MAP7: variants seen among roughly 807,000 people sequenced by gnomAD.
MAP7 encodes ensconsin.
A neutral mutation model predicts 94.8 loss-of-function variants in MAP7; 52 were observed. The observed-to-expected ratio is 0.55, with a 90% CI of 0.44 to 0.69. The LOEUF (loss-of-function observed/expected upper bound fraction) is 0.69. Ranked by LOEUF, MAP7 falls within the 30% of genes least tolerant of loss-of-function variation. MAP7 has a pLI of 0.00. For synonymous variants in MAP7, 350 were observed against 357.0 expected (o/e 0.98, Z 0.22); for missense variants, 940 against 964.6 (o/e 0.97, Z 0.34).
chr6:136,419,578 G>A (rs965197920), intron 2 of MAP7, among the ~76,000 whole-genome samples: 6 of 152,224 alleles, frequency 3.9e-5, no homozygotes, highest in African/African-American at 1.2e-4. Context: ...AGGCCCCCAT[G>A]TGTACCTTAA....
chr6:136,467,194 T>G (rs1360724665), intron 1 of MAP7, among the ~76,000 whole-genome samples: 1 of 152,204 alleles, frequency 6.6e-6, no homozygotes, highest in South Asian at 2.1e-4. Flanking sequence ...ACTTAGCTGT[T>G]TACCAAAATC....
At position 136,367,391 on chromosome 6, in the gene MAP7, A is replaced by G. The variant is rs138017191; in HGVS notation, c.877-952T>C. ...AAGCGTACATGGGAAGGGGCAGAGT[A>G]TTATCTAGCCCCAGGTCACATGAAC... On this transcript the variant is annotated intron_variant, in intron 8 of 17. Transcript: ENST00000354570. Among the ~76,000 whole-genome samples, 329 of 152,316 alleles carry G rather than the reference A, an allele frequency of 2.2e-3. 2 individuals are homozygous for G. The highest frequency in any genetic ancestry group is 6.8e-3 in the Middle Eastern group (2 of 294).
intron 1 of MAP7, among the ~76,000 whole-genome samples, chr6:136,497,363 TA>T (rs1042437121): frequency 8.6e-5 from 13 of 151,934 alleles, no homozygotes; most frequent in African/African-American, 2.7e-4. Flanking sequence ...CACCGCAGTG[TA>T]AATTGGTAGT....
intron 3 of MAP7, among the ~76,000 whole-genome samples, chr6:136,390,092 C>G (rs1393015967): frequency 1.3e-5 from 2 of 152,154 alleles, no homozygotes; most frequent in African/African-American, 4.8e-5. Flanking sequence ...TTAACCATAT[C>G]AAAAGCTGGA....
intron 1 of MAP7, among the ~76,000 whole-genome samples, chr6:136,489,495 C>A (rs915545227): frequency 6.6e-6 from 1 of 150,716 alleles, no homozygotes; most frequent in African/African-American, 2.4e-5. Flanking sequence ...GAAATTCTTA[C>A]CTCATTACAA....
chr6:136,487,566 A>G (rs1254924327), intron 1 of MAP7, among the ~76,000 whole-genome samples: 1 of 152,020 alleles, frequency 6.6e-6, no homozygotes, highest in East Asian at 1.9e-4. Flanking sequence ...AAAATTAGCC[A>G]GGCATGGTGG....
At position 136,500,294 on chromosome 6, in the gene MAP7, C is replaced by T. The variant is rs549153176; in HGVS notation, c.67+50048G>A. Among the ~76,000 whole-genome samples, 8 of 152,324 alleles carry T rather than the reference C, an allele frequency of 5.3e-5. No individual in the cohort carries two copies. The South Asian group carries it at 1.0e-3, about 20-fold the overall frequency. ...TAAAAATTTCAAATTCTACAGTTTT[C>T]GTTGGCATCCCAGGCCAGGAAAACT... On this transcript the variant is annotated intron_variant, in intron 1 of 17. Transcript: ENST00000354570.
intron 3 of MAP7, among the ~76,000 whole-genome samples, chr6:136,408,490 CCT>C (rs1786319758): frequency 6.6e-6 from 1 of 151,962 alleles, no homozygotes; most frequent in African/African-American, 2.4e-5. Flanking sequence ...CTTTATTCTC[CCT>C]CTCTCTACCT....
At chr6:136,466,669 G>C (rs1372758976) in intron 1 of MAP7, 3 of 1,251,854 alleles carry the variant, frequency 2.4e-6, no homozygotes, top group Non-Finnish European at 3.3e-6. Flanking sequence ...CTTGTTATAA[G>C]TATTAATTTG....
At chr6:136,388,601 T>C (rs1779819494) in intron 4 of MAP7, 91 bp from the exon 5 acceptor site, 2 of 932,974 alleles carry the variant, frequency 2.1e-6, no homozygotes, top group African/African-American at 1.6e-5. Context: ...GGAGTACTAC[T>C]TCAATTCCCA....
chr6:136,505,891 A>G (rs1821362139), intron 1 of MAP7, among the ~76,000 whole-genome samples: 1 of 152,210 alleles, frequency 6.6e-6, no homozygotes, highest in South Asian at 2.1e-4. Flanking sequence ...ACTGTGGGAA[A>G]AACAACCATT....
intron 1 of MAP7, among the ~76,000 whole-genome samples, chr6:136,543,715 A>G (rs1829506298): frequency 6.6e-6 from 1 of 152,196 alleles, no homozygotes; most frequent in African/African-American, 2.4e-5. Flanking sequence ...ATTCTGGAAA[A>G]GGCAAAACTA....
chr6:136,411,680 G>T lies in MAP7; in HGVS notation c.184C>A (p.Arg62Ser), dbSNP rs202185529. 1.9e-6 allele frequency: 3 copies of T among 1,566,310 alleles called. No homozygotes were observed. The South Asian group carries it at 3.5e-5, about 18-fold the overall frequency. The part of the protein sequence containing the change: ...GNKPDPPPVL[R>S]VDDRQRLARE... The stretch of plus-strand genomic sequence containing the variant: ...GCCAGCCGCTGCCGGTCATCAACAC[G>T]TAACACAGGCGGAGGGTCTGAAAGC... Residue 62 changes from arginine to serine, a missense_variant, in exon 3 of 18, where the codon CGT (arginine) becomes AGT (serine). Physicochemically the swap from Arg to Ser is moderately radical, Grantham distance 110. Coordinates refer to ENST00000354570, the MANE Select transcript of MAP7 (RefSeq NM_003980.6).
chr6:136,474,764 G>A (rs1340141554), intron 1 of MAP7, among the ~76,000 whole-genome samples: 1 of 151,246 alleles, frequency 6.6e-6, no homozygotes, highest in Non-Finnish European at 1.5e-5. Flanking sequence ...TTTCATCCAG[G>A]CTGGAGTGCA....
At chr6:136,497,540 T>C (rs985359642) in intron 1 of MAP7, among the ~76,000 whole-genome samples, 1 of 141,694 alleles carries the variant, frequency 7.1e-6, no homozygotes, top group African/African-American at 2.7e-5. Context: ...AAAAAAAAAA[T>C]GCAGATCCCA....
chr6:136,529,351 C>T (rs914477432), intron 1 of MAP7, among the ~76,000 whole-genome samples: 3 of 152,068 alleles, frequency 2.0e-5, no homozygotes, highest in African/African-American at 7.3e-5. Context: ...GACTCCTGAC[C>T]TCAAGTGATC....
chr6:136,432,354 A>G (rs190923135), intron 1 of MAP7, among the ~76,000 whole-genome samples: 8 of 152,328 alleles, frequency 5.3e-5, no homozygotes, highest in African/African-American at 1.7e-4. Context: ...AAAAGTCAGA[A>G]AGCAAAGCAG....
chr6:136,343,395 C>G lies in MAP7; in HGVS notation c.*833G>C, dbSNP rs1403336203. On this transcript the variant is annotated 3_prime_UTR_variant, in exon 18 of 18. Transcript: ENST00000354570. ...AAGATAAGTCCACCATCACTGGGGA[C>G]AGCAGCAACATACAGACTTCAGAAA... is the stretch of plus-strand genomic sequence containing the variant. 4 of 152,638 alleles carry G rather than the reference C, an allele frequency of 2.6e-5. No individual in the cohort carries two copies. The highest frequency in any genetic ancestry group is 4.4e-5 in the Non-Finnish European group (3 of 68,032). 9.5% of individuals were successfully genotyped at this position (152,638 alleles called of 1,614,324 possible).
At chr6:136,418,653 T>C (rs1790289785) in intron 2 of MAP7, among the ~76,000 whole-genome samples, 1 of 152,240 alleles carries the variant, frequency 6.6e-6, no homozygotes, top group African/African-American at 2.4e-5. Context: ...AGCTAAAACT[T>C]ACTAGATTAA....
Sources: allele counts gnomAD v4.1 joint callset (sites outside exome capture counted in the v4.1 genomes callset), GRCh38; gene constraint gnomAD v4.1.1; transcripts MANE v1.5; gene names NCBI Gene and HGNC (gene_info 2026-07-23, HGNC 2026-07-21).